LINS1: variants seen among roughly 807,000 people sequenced by gnomAD.
LINS1 encodes protein Lines homolog 1.
A neutral mutation model predicts 41.6 loss-of-function variants in LINS1; 27 were observed. The ratio of observed to expected loss-of-function variants is 0.65; its 90% confidence interval spans 0.48 to 0.89. The LOEUF (loss-of-function observed/expected upper bound fraction) is 0.89, where lower values mean the gene tolerates loss of function less well. Ranked by LOEUF, LINS1 falls within the 40% of genes least tolerant of loss-of-function variation. LINS1 has a pLI of 0.00. For synonymous variants in LINS1, 336 were observed against 312.9 expected, an observed-to-expected ratio of 1.07 and a Z score of -0.78; for missense variants, 955 against 884.1, an observed-to-expected ratio of 1.08 and a Z score of -1.02.
In LINS1 at chr15:100,580,361, A is replaced by G; in HGVS notation, c.400-9T>C. On this transcript the variant is annotated splice_polypyrimidine_tract_variant and intron_variant, in intron 2 of 6. Transcript: ENST00000314742. ...TTTTGGAACATGCAGATCTACAGGA[A>G]AACAAATATAATTAACCACTATTGC... 1.2e-6 allele frequency: 2 copies of G among 1,610,142 alleles called. No homozygotes were observed. The highest frequency in any genetic ancestry group is 1.7e-6 in the Non-Finnish European group (2 of 1,176,714).
At chr15:100,589,272 C>G (rs1281309180) in intron 1 of LINS1, among the ~76,000 whole-genome samples, 1 of 152,198 alleles carries the variant, frequency 6.6e-6, no homozygotes, top group Admixed American at 6.5e-5. Flanking sequence ...GGTTAAACCA[C>G]AGAAATAACC....
At chr15:100,580,239 A>G in intron 3 of LINS1, 24 bp downstream of exon 3, 1 of 1,491,540 alleles carries the variant, frequency 6.7e-7, no homozygotes, top group Non-Finnish European at 9.3e-7. Context: ...AGAAATAATA[A>G]CATACTTTGA....
intron 6 of LINS1, chr15:100,570,379 A>G (rs2037757388): frequency 2.8e-6 from 1 of 355,584 alleles, no homozygotes; most frequent in Admixed American, 4.4e-5. Flanking sequence ...CTTTCTCTCG[A>G]CATCAGAACT....
chr15:100,588,478 C>G (rs554830135), intron 1 of LINS1, among the ~76,000 whole-genome samples: 68 of 152,124 alleles, frequency 4.5e-4, no homozygotes, highest in Non-Finnish European at 8.7e-4. Context: ...TCATTTAGTT[C>G]ATGTGACTTA....
At position 100,570,130 on chromosome 15, in the gene LINS1, A is replaced by G; in HGVS notation, c.1395-13T>C. 2.5e-6 allele frequency: 4 copies of G among 1,577,768 alleles called. No homozygotes were observed. The highest frequency in any genetic ancestry group is 1.1e-5 in the South Asian group (1 of 87,186). ...GGCTTCACATCCTCTGAAAATGAAG[A>G]TAATGGAGAATGCAGATTAATGACC... On this transcript the variant is annotated splice_polypyrimidine_tract_variant and intron_variant, in intron 6 of 6. Coordinates refer to ENST00000314742, the MANE Select transcript of LINS1 (RefSeq NM_001040616.3).
intron 1 of LINS1, among the ~76,000 whole-genome samples, chr15:100,582,208 G>GA (rs2038580002): frequency 6.9e-6 from 1 of 145,186 alleles, no homozygotes; most frequent in Non-Finnish European, 1.5e-5. Context: ...CTACACTATG[G>GA]CCACTAGCCT....
intron 1 of LINS1, among the ~76,000 whole-genome samples, chr15:100,595,738 A>C (rs2039216601): frequency 6.6e-6 from 1 of 152,240 alleles, no homozygotes; most frequent in Non-Finnish European, 1.5e-5. Context: ...ATAGACTGGG[A>C]AAGTCAATAG....
chr15:100,596,609 T>C (rs1430952780), intron 1 of LINS1, among the ~76,000 whole-genome samples: 6 of 152,168 alleles, frequency 3.9e-5, no homozygotes, highest in Non-Finnish European at 8.8e-5. Context: ...CTCGGCAAGG[T>C]TTCCCTTTTA....
At chr15:100,597,024 T>C (rs2039278561) in intron 1 of LINS1, 2 of 152,218 alleles carry the variant, frequency 1.3e-5, no homozygotes, top group Admixed American at 1.3e-4. Context: ...CATAGAATAT[T>C]TGTGCCTTCA....
intron 3 of LINS1, among the ~76,000 whole-genome samples, chr15:100,575,928 G>C (rs139011288): frequency 0.016 from 2,381 of 152,170 alleles, 38 homozygotes; most frequent in Non-Finnish European, 0.022. Flanking sequence ...ATGACTACTG[G>C]GTACATAATG....
In LINS1 at chr15:100,580,727, T is replaced by G; in HGVS notation, c.116A>C (p.Gln39Pro). ...TAAGGAGGTGGCTGTAGAACAATCT[T>G]GATCTGAAACTGCTGGGTTGAGATA... ...IFYLNPAVSD[Q>P]DCSTATSLEW... is the part of the protein sequence containing the mutation. The change falls in exon 2 of 7, where the codon CAA becomes CCA. Residue 39 changes from glutamine to proline, a missense_variant. Gln to Pro is a moderately conservative substitution (Grantham distance 76). Coordinates refer to ENST00000314742, the MANE Select transcript of LINS1 (RefSeq NM_001040616.3). 6.2e-7 allele frequency: 1 copy of G among 1,611,864 alleles called. No individual in the cohort carries two copies. The highest frequency in any genetic ancestry group is 1.1e-5 in the South Asian group (1 of 91,006).
intron 1 of LINS1, among the ~76,000 whole-genome samples, chr15:100,591,119 G>A (rs568779816): frequency 6.6e-6 from 1 of 152,286 alleles, no homozygotes; most frequent in Non-Finnish European, 1.5e-5. Flanking sequence ...AGAGGTTGCA[G>A]TGAGCCAAGA....
chr15:100,572,931 G>A (rs1270378348), intron 5 of LINS1: 17 of 648,316 alleles, frequency 2.6e-5, no homozygotes, highest in African/African-American at 5.8e-5. Context: ...TGGGGAAACA[G>A]AGACGAGAGG....
intron 1 of LINS1, among the ~76,000 whole-genome samples, chr15:100,597,180 G>A (rs145781053): frequency 2.2e-4 from 34 of 151,962 alleles, no homozygotes; most frequent in African/African-American, 7.5e-4. Flanking sequence ...ATTCTTTTGT[G>A]CAGAGAAGCG....
At position 100,594,153 on chromosome 15, in the gene LINS1, T is replaced by C. The variant is rs917234128; in HGVS notation, c.-104+7968A>G. 2.6e-5 allele frequency among the ~76,000 whole-genome samples: 4 copies of C among 152,234 alleles called. No homozygotes were observed. The South Asian group carries it at 8.3e-4, about 31-fold the overall frequency. ...AGATTACTTATAATACCTAACACAA[T>C]GTAAGTGATGTGTAAATAGTTGTTA... On this transcript the variant is annotated intron_variant, in intron 1 of 6. Transcript: ENST00000314742.
intron 1 of LINS1, among the ~76,000 whole-genome samples, chr15:100,586,932 G>A (rs190461226): frequency 7.4e-4 from 113 of 152,056 alleles, no homozygotes; most frequent in Admixed American, 3.6e-3. Flanking sequence ...GAGCCAAGGC[G>A]GGCAGATCAC....
intron 6 of LINS1, among the ~76,000 whole-genome samples, chr15:100,570,903 A>C (rs547653707): frequency 6.6e-6 from 1 of 152,340 alleles, no homozygotes; most frequent in African/African-American, 2.4e-5. Flanking sequence ...GGACACACTG[A>C]ACTGGATTCA....
chr15:100,597,655 G>A (rs1331686107), intron 1 of LINS1, among the ~76,000 whole-genome samples: 1 of 152,198 alleles, frequency 6.6e-6, no homozygotes, highest in Non-Finnish European at 1.5e-5. Context: ...TGTTTTAAGT[G>A]GTACTTCAGA....
At chr15:100,590,383 C>T (rs571076839) in intron 1 of LINS1, among the ~76,000 whole-genome samples, 5 of 152,064 alleles carry the variant, frequency 3.3e-5, no homozygotes, top group Non-Finnish European at 7.4e-5. Flanking sequence ...TAATGGTACA[C>T]ACATTGCCTC....
Sources: gnomAD v4.1 joint callset for allele counts (sites outside exome capture counted in the v4.1 genomes callset) on GRCh38, gnomAD v4.1.1 for gene constraint, MANE v1.5 for transcripts, NCBI Gene and HGNC (gene_info 2026-07-23, HGNC 2026-07-21) for gene names.